The following CAMSAP2 variants were observed in gnomAD, a reference collection of about 807,000 sequenced individuals.
The protein encoded by CAMSAP2 is calmodulin regulated spectrin associated protein family member 2.
In CAMSAP2, 26 loss-of-function variants were observed where a neutral mutation model predicts 146.1. That is an observed-to-expected ratio of 0.18 (90% CI 0.13 to 0.25). The LOEUF (loss-of-function observed/expected upper bound fraction) is 0.25, where lower values mean the gene tolerates loss of function less well. Among genes scored for constraint, CAMSAP2 ranks in the 10% least tolerant of loss-of-function variants. The pLI, the probability that CAMSAP2 is intolerant of heterozygous loss-of-function variation, is 1.00. For synonymous variants in CAMSAP2, 499 were observed against 596.6 expected (o/e 0.84, Z 2.38); for missense variants, 1,381 against 1,759.3 (o/e 0.78, Z 3.85).
At chr1:200,841,850 T>G in intron 6 of CAMSAP2, 144 bp from the exon 7 acceptor site, 1 of 615,660 alleles carries the variant, frequency 1.6e-6, no homozygotes, top group Non-Finnish European at 2.9e-6. Flanking sequence ...GAGTTAATAT[T>G]CCATCCCATG....
At chr1:200,826,579 C>CCTGG (rs1666912496) in intron 4 of CAMSAP2, among the ~76,000 whole-genome samples, 17 of 152,134 alleles carry the variant, frequency 1.1e-4, no homozygotes, top group Non-Finnish European at 1.5e-5. Flanking sequence ...GGCCTGAGAG[C>CCTGG]ACCTAGAAGT....
Position 200,847,623 on chromosome 1 carries a change from C to T in CAMSAP2, c.1193-17C>T. On this transcript the variant is annotated splice_polypyrimidine_tract_variant and intron_variant, in intron 9 of 16. Coordinates refer to ENST00000358823, the MANE Select transcript of CAMSAP2 (RefSeq NM_203459.4). ...TTTTACATGATTTCAATGGCTTTTTCTTTTTTGCATTTGAAGGAGGAATTA... is the reference window on the plus strand; with the variant it reads ...TTTTACATGATTTCAATGGCTTTTTTTTTTTTGCATTTGAAGGAGGAATTA... The T allele has an allele frequency of 6.2e-7, 1 of 1,600,330 alleles. No homozygotes were observed. Among genetic ancestry groups the T allele is most frequent in the Admixed American group, 1.7e-5 (1 of 57,690 alleles).
At position 200,750,854 on chromosome 1, in the gene CAMSAP2, C is replaced by T. The variant is rs141899389; in HGVS notation, c.140-9985C>T. Among the ~76,000 whole-genome samples, 522 of 149,082 alleles carry T rather than the reference C, an allele frequency of 3.5e-3. 3 individuals are homozygous for T. Among genetic ancestry groups the T allele is most frequent in the South Asian group, 0.022 (102 of 4,698 alleles). On this transcript the variant is annotated intron_variant, in intron 1 of 16. Coordinates refer to ENST00000358823, the MANE Select transcript of CAMSAP2 (RefSeq NM_203459.4). The stretch of plus-strand genomic sequence containing the variant: ...TGTTGGTCAGGTGATCCATCTGCCT[C>T]GGCCTTCCAAAATGCTGGGATTATA...
chr1:200,809,679 C>T (rs1462746439), intron 3 of CAMSAP2, among the ~76,000 whole-genome samples: 3 of 152,070 alleles, frequency 2.0e-5, no homozygotes, highest in East Asian at 1.9e-4. Flanking sequence ...TGCAGTGAGC[C>T]GAGATCGCGC....
At chr1:200,765,227 C>A (rs554905411) in intron 2 of CAMSAP2, among the ~76,000 whole-genome samples, 22 of 152,178 alleles carry the variant, frequency 1.4e-4, no homozygotes, top group African/African-American at 5.3e-4. Context: ...AGTCATACTT[C>A]TTTATTTATT....
intron 4 of CAMSAP2, among the ~76,000 whole-genome samples, chr1:200,830,651 C>G (rs1667019246): frequency 6.6e-6 from 1 of 152,164 alleles, no homozygotes; most frequent in Admixed American, 6.5e-5. Context: ...CTCTTCCCTC[C>G]CCATGGTTGA....
At chr1:200,795,565 A>G (rs1055030929) in intron 2 of CAMSAP2, among the ~76,000 whole-genome samples, 17 of 152,210 alleles carry the variant, frequency 1.1e-4, no homozygotes, top group Admixed American at 1.0e-3. Flanking sequence ...CATATAGTCC[A>G]GATGAAGTCG....
In CAMSAP2 at chr1:200,753,482, C is replaced by A. The variant is rs115153428; in HGVS notation, c.140-7357C>A. On this transcript the variant is annotated intron_variant, in intron 1 of 16. Coordinates refer to ENST00000358823, the MANE Select transcript of CAMSAP2 (RefSeq NM_203459.4). Reference sequence around the variant, plus strand: ...TTGTGTTCCTCTTTACTCTGGAGTGCTGGGCCCTGGTTTAGCAGATGTCCC... The same window carrying A: ...TTGTGTTCCTCTTTACTCTGGAGTGATGGGCCCTGGTTTAGCAGATGTCCC... 6.0e-3 allele frequency among the ~76,000 whole-genome samples: 911 copies of A among 152,120 alleles called. 12 individuals carry two copies. Among genetic ancestry groups the A allele is most frequent in the African/African-American group, 0.021 (856 of 41,468 alleles).
chr1:200,833,515 G>A (rs1052547369), intron 6 of CAMSAP2, among the ~76,000 whole-genome samples: 6 of 151,950 alleles, frequency 3.9e-5, no homozygotes, highest in East Asian at 1.9e-4. Context: ...AGCTGAGATC[G>A]CGCCACTGCA....
At position 200,853,144 on chromosome 1, in the gene CAMSAP2, T is replaced by C; in HGVS notation, c.3603-131T>C. ...TGTCTCAGCAGAATCGTCAAGTACCTTTTAAATGAACCATTTATTCACCAA... is the reference window on the plus strand; with the variant it reads ...TGTCTCAGCAGAATCGTCAAGTACCCTTTAAATGAACCATTTATTCACCAA... On this transcript the variant is annotated intron_variant, in intron 12 of 16. Coordinates refer to ENST00000358823, the MANE Select transcript of CAMSAP2 (RefSeq NM_203459.4). The surrounding 1 kb of genome is among the most constrained non-coding windows in gnomAD (Gnocchi z 5.1). 1.3e-6 allele frequency: 1 copy of C among 794,924 alleles called. No homozygotes were observed. The highest frequency in any genetic ancestry group is 2.0e-6 in the Non-Finnish European group (1 of 492,572). 49.2% of individuals were successfully genotyped at this position (794,924 alleles called of 1,614,324 possible).
intron 1 of CAMSAP2, among the ~76,000 whole-genome samples, chr1:200,743,600 G>A (rs1009013520): frequency 6.6e-6 from 1 of 151,586 alleles, no homozygotes. Context: ...AAAAAAAAAA[G>A]AAGTTCATGA....
intron 1 of CAMSAP2, 60 bp from the exon 2 acceptor site, chr1:200,760,779 A>T: frequency 8.3e-7 from 1 of 1,208,636 alleles, no homozygotes; most frequent in Non-Finnish European, 1.2e-6. Flanking sequence ...ATTATTAATT[A>T]AATTCTATGT....
At chr1:200,758,382 A>G (rs1397641814) in intron 1 of CAMSAP2, among the ~76,000 whole-genome samples, 1 of 152,198 alleles carries the variant, frequency 6.6e-6, no homozygotes, top group Non-Finnish European at 1.5e-5. Context: ...TTCTACTAAT[A>G]GTTTCTGTTT....
intron 4 of CAMSAP2, among the ~76,000 whole-genome samples, chr1:200,826,878 G>GA (rs534696973): frequency 1.6e-4 from 24 of 147,458 alleles, no homozygotes; most frequent in East Asian, 7.9e-4. Context: ...CTGATAAAAA[G>GA]AAAAAAAAAA....
At chr1:200,838,348 A>G (rs1240367332) in intron 6 of CAMSAP2, among the ~76,000 whole-genome samples, 2 of 152,214 alleles carry the variant, frequency 1.3e-5, no homozygotes, top group East Asian at 1.9e-4. Context: ...TTAAAAACCA[A>G]TTTTATACTT....
Position 200,844,788 on chromosome 1 carries a change from C to G in CAMSAP2, c.1028C>G (p.Pro343Arg). The G allele has an allele frequency of 6.3e-7, 1 of 1,574,880 alleles. No homozygotes were observed. The highest frequency in any genetic ancestry group is 8.6e-7 in the Non-Finnish European group (1 of 1,162,584). Residue 343 changes from proline to arginine, a missense_variant, in exon 8 of 17, where the codon CCT (proline) becomes CGT (arginine). Coordinates refer to ENST00000358823, the MANE Select transcript of CAMSAP2 (RefSeq NM_203459.4). ...PRVVRPQGAE[P>R]VKDMPSIPVL... ...TAAAAATCTTTTATTCCAGCTGAAC[C>G]TGTAAAAGATATGCCTTCAATTCCT...
Position 200,744,980 on chromosome 1 carries a change from TAAAA to T in CAMSAP2, c.139+5021_139+5024del, listed in dbSNP as rs758766397. Among the ~76,000 whole-genome samples the T allele has an allele frequency of 5.4e-5, 8 of 148,534 alleles. No individual in the cohort carries two copies. In the East Asian group the frequency reaches 1.6e-3, roughly 29 times the overall value. ...TTAAATTATCCTAAGCACATTGGAT[TAAAA>T]AAAAAAGAAAAAATACTATTAAGTA... is the stretch of plus-strand genomic sequence containing the variant. On this transcript the variant is annotated intron_variant, in intron 1 of 16. Coordinates refer to ENST00000358823, the MANE Select transcript of CAMSAP2 (RefSeq NM_203459.4).
At chr1:200,851,850 C>T (rs1361733005) in intron 11 of CAMSAP2, among the ~76,000 whole-genome samples, 1 of 152,206 alleles carries the variant, frequency 6.6e-6, no homozygotes, top group Non-Finnish European at 1.5e-5. Context: ...ACTTCTACAA[C>T]AGCTTGTTAC....
intron 2 of CAMSAP2, among the ~76,000 whole-genome samples, chr1:200,805,006 G>A (rs1025892663): frequency 6.6e-6 from 1 of 152,070 alleles, no homozygotes; most frequent in Non-Finnish European, 1.5e-5. Flanking sequence ...AAACATAAAT[G>A]ATACTTCCTT....
Sources: allele counts gnomAD v4.1 joint callset (sites outside exome capture counted in the v4.1 genomes callset), GRCh38; gene constraint gnomAD v4.1.1; non-coding constraint Gnocchi (gnomAD v3.1); transcripts MANE v1.5; gene names NCBI Gene and HGNC (gene_info 2026-07-23, HGNC 2026-07-21).